Variants in ROBO2 observed in about 807,000 individuals in gnomAD.
ROBO2 encodes roundabout homolog 2.
A neutral mutation model predicts 160.8 loss-of-function variants in ROBO2; 53 were observed. The ratio of observed to expected loss-of-function variants is 0.33; its 90% confidence interval spans 0.26 to 0.41. ROBO2 has a LOEUF of 0.41. Ranked by LOEUF, ROBO2 falls within the 10% of genes least tolerant of loss-of-function variation. The probability of loss-of-function intolerance (pLI) is 1.00; values close to 1 mark genes in which losing one functional copy is unlikely to be tolerated. For synonymous variants in ROBO2, 664 were observed against 611.7 expected, an observed-to-expected ratio of 1.09 and a Z score of -1.26; for missense variants, 1,577 against 1,722.4, an observed-to-expected ratio of 0.92 and a Z score of 1.49.
chr3:76,635,450 T>C (rs2090277751), intron 2 of ROBO2, among the ~76,000 whole-genome samples: 1 of 152,212 alleles, frequency 6.6e-6, no homozygotes, highest in African/African-American at 2.4e-5. Context: ...GAGTAAATAA[T>C]GCCTATGTCA....
intron 2 of ROBO2, among the ~76,000 whole-genome samples, chr3:76,274,798 C>T (rs1163703542): frequency 1.4e-5 from 2 of 147,866 alleles, no homozygotes; most frequent in East Asian, 4.0e-4. Context: ...GATTGTGCCA[C>T]TGCACTCCAG....
chr3:76,445,793 T>C (rs1043693164), intron 2 of ROBO2, among the ~76,000 whole-genome samples: 1 of 152,118 alleles, frequency 6.6e-6, no homozygotes, highest in African/African-American at 2.4e-5. Context: ...AAAAACCACA[T>C]AATTATCTCA....
intron 2 of ROBO2, among the ~76,000 whole-genome samples, chr3:77,266,693 A>T (rs957283823): frequency 2.6e-5 from 4 of 152,080 alleles, no homozygotes; most frequent in African/African-American, 7.2e-5. Context: ...ATCTTGGGCA[A>T]ATCCTTTAAT....
At chr3:76,193,611 TTTAGTCTTG>T (rs1702112467) in intron 2 of ROBO2, among the ~76,000 whole-genome samples, 1 of 152,242 alleles carries the variant, frequency 6.6e-6, no homozygotes, top group South Asian at 2.1e-4. Context: ...AATTTGTTCA[TTTAGTCTTG>T]TTGGCATATG....
chr3:76,456,175 C>T (rs1276415897), intron 2 of ROBO2, among the ~76,000 whole-genome samples: 2 of 152,110 alleles, frequency 1.3e-5, no homozygotes, highest in African/African-American at 4.8e-5. Flanking sequence ...CCAATCTTGC[C>T]AATTGCAATA....
Position 76,331,694 on chromosome 3 carries a change from T to G in ROBO2, c.109+394092T>G, listed in dbSNP as rs1271734819. On this transcript the variant is annotated intron_variant, in intron 2 of 26. Transcript: ENST00000487694. ...TCTATTTTAAGTAATATTTGAATTT[T>G]TTTTTTTTTTTCGAGACGTAATCTC... Among the ~76,000 whole-genome samples, 4 of 151,794 alleles carry G rather than the reference T, an allele frequency of 2.6e-5. No homozygotes were observed. The South Asian group carries it at 6.3e-4, about 24-fold the overall frequency.
chr3:76,466,486 AT>A (rs890747272), intron 2 of ROBO2, among the ~76,000 whole-genome samples: 3 of 151,838 alleles, frequency 2.0e-5, no homozygotes, highest in Non-Finnish European at 2.9e-5. Context: ...GCAATGCTCT[AT>A]TTTTTTGTTC....
intron 2 of ROBO2, among the ~76,000 whole-genome samples, chr3:76,788,429 A>T (rs1015741489): frequency 4.0e-5 from 6 of 151,554 alleles, no homozygotes; most frequent in Admixed American, 2.6e-4. Flanking sequence ...ACTATTAACC[A>T]AGTAAGAAAA....
At chr3:76,439,542 C>A (rs537503591) in intron 2 of ROBO2, among the ~76,000 whole-genome samples, 1 of 152,174 alleles carries the variant, frequency 6.6e-6, no homozygotes, top group South Asian at 2.1e-4. Context: ...TAAACGATCT[C>A]CAGGCAGAGA....
chr3:77,530,597 G>A lies in ROBO2; in HGVS notation c.934+7695G>A, dbSNP rs537583535. 3.3e-5 allele frequency among the ~76,000 whole-genome samples: 5 copies of A among 152,146 alleles called. No homozygotes were observed. In the South Asian group the frequency reaches 1.0e-3, roughly 32 times the overall value. ...TTCATATACTTGCCAACAGAGGAAA[G>A]TGTTTTACAGATTTCACTTGCTCAT... On this transcript the variant is annotated intron_variant, in intron 6 of 25. Coordinates refer to ENST00000461745, the Ensembl canonical transcript of ROBO2.
At chr3:76,328,838 G>A (rs1285922964) in intron 2 of ROBO2, among the ~76,000 whole-genome samples, 1 of 151,090 alleles carries the variant, frequency 6.6e-6, no homozygotes, top group African/African-American at 2.4e-5. Context: ...CAGCCTGGGC[G>A]ACAGAGCGAG....
chr3:76,183,892 A>C (rs1279940285), intron 2 of ROBO2, among the ~76,000 whole-genome samples: 1 of 152,192 alleles, frequency 6.6e-6, no homozygotes, highest in Non-Finnish European at 1.5e-5. Flanking sequence ...TGCATTAAGA[A>C]TGATTAATTT....
At chr3:76,200,672 C>A (rs946192749) in intron 2 of ROBO2, among the ~76,000 whole-genome samples, 8 of 152,044 alleles carry the variant, frequency 5.3e-5, no homozygotes, top group African/African-American at 1.9e-4. Context: ...AAACATACCA[C>A]CAAGCATCTC....
chr3:77,167,185 A>G (rs981990051), intron 2 of ROBO2, among the ~76,000 whole-genome samples: 2 of 152,070 alleles, frequency 1.3e-5, no homozygotes, highest in African/African-American at 4.8e-5. Context: ...AAATTGTGTT[A>G]TTTATTTAAA....
At chr3:76,065,454 G>C (rs980621018) in intron 2 of ROBO2, among the ~76,000 whole-genome samples, 3 of 151,804 alleles carry the variant, frequency 2.0e-5, no homozygotes, top group African/African-American at 7.3e-5. Flanking sequence ...CTTCCAAATC[G>C]ATACCAAAGA....
At chr3:77,159,800 G>T in intron 2 of ROBO2, among the ~76,000 whole-genome samples, 1 of 152,054 alleles carries the variant, frequency 6.6e-6, no homozygotes, top group East Asian at 1.9e-4. Flanking sequence ...AAAGAACTAT[G>T]GAGAAGTCCT....
intron 2 of ROBO2, among the ~76,000 whole-genome samples, chr3:76,891,374 G>C (rs1022339075): frequency 6.6e-6 from 1 of 151,938 alleles, no homozygotes; most frequent in African/African-American, 2.4e-5. Context: ...TATTATTTTT[G>C]ATTTTTAATA....
At chr3:76,218,702 T>A (rs1225124244) in intron 2 of ROBO2, among the ~76,000 whole-genome samples, 3 of 152,118 alleles carry the variant, frequency 2.0e-5, no homozygotes, top group Admixed American at 6.5e-5. Flanking sequence ...TGCTCATGGG[T>A]AGGAAGACTC....
chr3:76,137,692 G>T (rs2071482258), intron 2 of ROBO2, among the ~76,000 whole-genome samples: 3 of 151,602 alleles, frequency 2.0e-5, no homozygotes, highest in Non-Finnish European at 2.9e-5. Flanking sequence ...GAGAATATAG[G>T]ACAGAATCTT....
Sources: gnomAD v4.1 joint callset for allele counts (sites outside exome capture counted in the v4.1 genomes callset) on GRCh38, gnomAD v4.1.1 for gene constraint, MANE v1.5 for transcripts, NCBI Gene and HGNC (gene_info 2026-07-23, HGNC 2026-07-21) for gene names.